The following GALNT14 variants were observed in gnomAD, a reference collection of about 807,000 sequenced individuals.
GALNT14 encodes UDP-GalNAc:polypeptide N-acetylgalactosaminyltransferase 14.
Under a neutral mutation model 77.5 loss-of-function variants are expected in GALNT14, and 60 were observed. The ratio of observed to expected loss-of-function variants is 0.77; its 90% CI spans 0.63 to 0.96. GALNT14 has a LOEUF of 0.96. Ranked by LOEUF, GALNT14 falls within the 40% of genes least tolerant of loss-of-function variation. The pLI is 0.00. For missense variants in GALNT14, 710 were observed against 731.0 expected (o/e 0.97, Z 0.33); for synonymous variants, 280 against 281.7 (o/e 0.99, Z 0.06).
At chr2:30,928,627 AT>A (rs1015754228) in intron 11 of GALNT14, among the ~76,000 whole-genome samples, 4 of 151,836 alleles carry the variant, frequency 2.6e-5, no homozygotes, top group African/African-American at 9.7e-5. Context: ...TAATTAACTA[AT>A]TTTTTTGAGA....
intron 1 of GALNT14, among the ~76,000 whole-genome samples, chr2:31,120,395 G>C (rs1172000349): frequency 6.6e-6 from 1 of 152,202 alleles, no homozygotes; most frequent in Non-Finnish European, 1.5e-5. Context: ...TTATCTCAAA[G>C]GGGGTGAAGC....
At chr2:31,046,067 G>C (rs545072903) in intron 1 of GALNT14, among the ~76,000 whole-genome samples, 15 of 152,154 alleles carry the variant, frequency 9.9e-5, no homozygotes, top group Non-Finnish European at 8.8e-5. Context: ...ACTTTTCATG[G>C]ATTATCACAC....
At chr2:31,072,707 T>C (rs1675492104) in intron 1 of GALNT14, among the ~76,000 whole-genome samples, 1 of 152,054 alleles carries the variant, frequency 6.6e-6, no homozygotes, top group Non-Finnish European at 1.5e-5. Flanking sequence ...CGAAGCCTTC[T>C]AGACAGGAGG....
At chr2:31,087,350 G>A (rs984777745) in intron 1 of GALNT14, among the ~76,000 whole-genome samples, 12 of 152,172 alleles carry the variant, frequency 7.9e-5, no homozygotes, top group African/African-American at 2.7e-4. Flanking sequence ...AATATAAGAG[G>A]AGGCTAAAAT....
intron 3 of GALNT14, 102 bp from the exon 4 acceptor site, chr2:30,958,566 A>G (rs1159045151): frequency 1.1e-6 from 1 of 870,916 alleles, no homozygotes; most frequent in Non-Finnish European, 1.9e-6. Flanking sequence ...AGGAATGAAA[A>G]ATCAGAGCAC....
At chr2:31,062,143 C>T (rs183892152) in intron 1 of GALNT14, among the ~76,000 whole-genome samples, 3 of 152,252 alleles carry the variant, frequency 2.0e-5, no homozygotes, top group African/African-American at 7.2e-5. Context: ...TTTGCTGCAC[C>T]TATTAACCCA....
chr2:30,963,159 C>T (rs1048018247), intron 3 of GALNT14, among the ~76,000 whole-genome samples: 3 of 152,146 alleles, frequency 2.0e-5, no homozygotes, highest in Non-Finnish European at 2.9e-5. Context: ...TCGTCTGGCA[C>T]GTCATGGGTG....
chr2:31,130,163 G>A (rs7604882), intron 1 of GALNT14, among the ~76,000 whole-genome samples: 4,450 of 152,312 alleles, frequency 0.029, 231 homozygotes, highest in African/African-American at 0.1. Context: ...GAAATGGCAC[G>A]CAGAAAAGGC....
At chr2:31,104,925 G>T (rs1180347615) in intron 1 of GALNT14, among the ~76,000 whole-genome samples, 1 of 152,128 alleles carries the variant, frequency 6.6e-6, no homozygotes, top group Non-Finnish European at 1.5e-5. Context: ...TTACACTTTT[G>T]TGGGAAGCTT....
At chr2:30,916,161 C>A (rs1038255491) in intron 13 of GALNT14, among the ~76,000 whole-genome samples, 2 of 152,104 alleles carry the variant, frequency 1.3e-5, no homozygotes, top group Admixed American at 6.5e-5. Flanking sequence ...AGGACTCAGA[C>A]CTTAGTTATA....
At chr2:31,017,622 G>A (rs1351464336) in intron 1 of GALNT14, among the ~76,000 whole-genome samples, 1 of 151,948 alleles carries the variant, frequency 6.6e-6, no homozygotes. Context: ...CTCCCTGGGG[G>A]CCCACTCTGC....
At chr2:30,898,551 CAAGTT>C in the GALNT14 span, among the ~76,000 whole-genome samples, 1 of 152,290 alleles carries the variant, frequency 6.6e-6, no homozygotes, top group East Asian at 1.9e-4. Context: ...TGAGTTCAGT[CAAGTT>C]AAGTAACTTG....
intron 1 of GALNT14, among the ~76,000 whole-genome samples, chr2:31,076,487 A>G (rs1675795715): frequency 6.6e-6 from 1 of 152,132 alleles, no homozygotes; most frequent in Non-Finnish European, 1.5e-5. Context: ...ATCAGCAAAC[A>G]GTGGCAAGGA....
chr2:31,118,455 C>A (rs1047176771), intron 1 of GALNT14, among the ~76,000 whole-genome samples: 1 of 151,700 alleles, frequency 6.6e-6, no homozygotes. Flanking sequence ...AAGGATGATT[C>A]AAAACAAGAA....
intron 1 of GALNT14, chr2:31,126,912 G>T (rs1350962946): frequency 6.6e-6 from 1 of 152,098 alleles, no homozygotes; most frequent in Non-Finnish European, 1.5e-5. Context: ...TTCAAACCAA[G>T]ACCTTTTCCA....
intron 1 of GALNT14, among the ~76,000 whole-genome samples, chr2:31,073,924 T>C (rs1014049805): frequency 6.6e-6 from 1 of 152,230 alleles, no homozygotes; most frequent in Non-Finnish European, 1.5e-5. Flanking sequence ...TCTCCTTCCA[T>C]TGCCACACAG....
intron 1 of GALNT14, among the ~76,000 whole-genome samples, chr2:31,024,484 G>A (rs906731909): frequency 2.0e-5 from 3 of 152,030 alleles, no homozygotes; most frequent in African/African-American, 7.3e-5. Flanking sequence ...CAGGCCAGCC[G>A]AGCTGCCACC....
chr2:30,966,326 A>G (rs778369486), intron 2 of GALNT14, 24 bp from the exon 3 acceptor site: 35 of 1,544,220 alleles, frequency 2.3e-5, no homozygotes, highest in Non-Finnish European at 2.9e-5. Context: ...GGCACAGGGC[A>G]AGTGAGACCT....
At chr2:31,021,902 C>G (rs796732958) in intron 1 of GALNT14, among the ~76,000 whole-genome samples, 13 of 152,292 alleles carry the variant, frequency 8.5e-5, no homozygotes, top group African/African-American at 3.1e-4. Context: ...TTTCACTTCT[C>G]TAGAAATTAG....
Sources: gnomAD v4.1 joint callset for allele counts (sites outside exome capture counted in the v4.1 genomes callset) on GRCh38, gnomAD v4.1.1 for gene constraint, MANE v1.5 for transcripts, NCBI Gene and HGNC (gene_info 2026-07-23, HGNC 2026-07-21) for gene names.